Variants in SMARCA2 observed in about 807,000 individuals in gnomAD.
SMARCA2 encodes SWI/SNF-related matrix-associated actin-dependent regulator of chromatin subfamily A member 2.
A neutral mutation model predicts 199.8 loss-of-function variants in SMARCA2; 61 were observed. The ratio of observed to expected loss-of-function variants is 0.31; its 90% CI spans 0.25 to 0.38. The LOEUF is 0.38. Among genes scored for constraint, SMARCA2 ranks in the 10% least tolerant of loss-of-function variants. The pLI is 1.00. For missense variants in SMARCA2, 1,344 were observed against 2,012.2 expected (o/e 0.67, Z 6.35); for synonymous variants, 935 against 732.0 (o/e 1.28, Z -4.48).
chr9:2,175,039 G>A (rs1042769281), intron 29 of SMARCA2, among the ~76,000 whole-genome samples: 11 of 151,488 alleles, frequency 7.3e-5, no homozygotes, highest in East Asian at 1.9e-4. Context: ...AGACAGGGAC[G>A]CTTTGAGTCA....
At chr9:2,178,986 A>C (rs906408981) in intron 29 of SMARCA2, among the ~76,000 whole-genome samples, 1 of 152,196 alleles carries the variant, frequency 6.6e-6, no homozygotes, top group African/African-American at 2.4e-5. Context: ...GAGGGGACTG[A>C]GAGTAAGTGT....
Position 2,039,406 on chromosome 9 carries a change from A to G in SMARCA2, c.356-60A>G. ...TGGACAATTATTAGAGTATTCAGGG[A>G]TATCTCTCTTTCAGGGTTGTCAGGG... On this transcript the variant is annotated intron_variant, in intron 3 of 33. Coordinates refer to ENST00000349721, the MANE Select transcript of SMARCA2 (RefSeq NM_003070.5). This position sits in a 1 kb window ranked among gnomAD's most constrained non-coding sequence, Gnocchi z 4.8. The G allele has an allele frequency of 2.6e-6, 4 of 1,516,734 alleles. No individual in the cohort carries two copies. The highest frequency in any genetic ancestry group is 1.9e-5 in the Admixed American group (1 of 52,876). 94.0% of individuals were successfully genotyped at this position (1,516,734 alleles called of 1,614,324 possible).
intron 9 of SMARCA2, among the ~76,000 whole-genome samples, chr9:2,061,523 ATG>A (rs1325470492): frequency 6.6e-6 from 1 of 152,198 alleles, no homozygotes; most frequent in Non-Finnish European, 1.5e-5. Flanking sequence ...AAAGAGTCCT[ATG>A]TGAAATATCT....
chr9:2,103,492 T>G (rs2130553441), intron 22 of SMARCA2, among the ~76,000 whole-genome samples: 1 of 152,336 alleles, frequency 6.6e-6, no homozygotes, highest in East Asian at 1.9e-4. Flanking sequence ...TTTTGCTTAT[T>G]ATTATATACA....
intron 5 of SMARCA2, among the ~76,000 whole-genome samples, chr9:2,050,948 C>T (rs992584440): frequency 2.6e-5 from 4 of 152,326 alleles, no homozygotes; most frequent in African/African-American, 9.6e-5. Context: ...CCTAATTCTG[C>T]ATCAATTTTC....
rs915345525 is a variant in SMARCA2 at position 2,104,242 on chromosome 9, T to C, written c.3292+73T>C. The C allele has an allele frequency of 7.0e-5, 95 of 1,352,544 alleles. No individual in the cohort carries two copies. Among genetic ancestry groups the C allele is most frequent in the Admixed American group, 1.1e-4 (5 of 45,950 alleles). 83.8% of individuals were successfully genotyped at this position (1,352,544 alleles called of 1,614,324 possible). ...AGGGATAATGGGCACTTAGGTCCAA[T>C]CTCAGCCAAAAAGAAGGGGTAAAAT... On this transcript the variant is annotated intron_variant, in intron 23 of 33. Coordinates refer to ENST00000349721, the MANE Select transcript of SMARCA2 (RefSeq NM_003070.5). This position sits in a 1 kb window ranked among gnomAD's most constrained non-coding sequence, Gnocchi z 4.0.
intron 4 of SMARCA2, chr9:2,045,924 T>A (rs1327839811): frequency 1.3e-5 from 2 of 152,074 alleles, no homozygotes; most frequent in Non-Finnish European, 2.9e-5. Flanking sequence ...CATCCCCCTG[T>A]CAAAATGTTT....
chr9:2,143,875 T>C (rs1824585032), intron 27 of SMARCA2, among the ~76,000 whole-genome samples: 1 of 152,208 alleles, frequency 6.6e-6, no homozygotes, highest in South Asian at 2.1e-4. Context: ...ATTGAGGTTG[T>C]AGGGGCCAAG....
intron 27 of SMARCA2, among the ~76,000 whole-genome samples, chr9:2,149,530 C>A (rs1033403172): frequency 6.6e-6 from 1 of 151,246 alleles, no homozygotes; most frequent in Non-Finnish European, 1.5e-5. Flanking sequence ...AAAACAACAA[C>A]GAAAAAGGAA....
At chr9:2,027,897 G>C (rs1188399381) in intron 1 of SMARCA2, 1 of 152,242 alleles carries the variant, frequency 6.6e-6, no homozygotes, top group Non-Finnish European at 1.5e-5. Context: ...ACTGTTGCTA[G>C]TGGAATTCAG....
intron 29 of SMARCA2, among the ~76,000 whole-genome samples, chr9:2,171,239 C>G (rs1351438036): frequency 6.6e-6 from 1 of 152,030 alleles, no homozygotes; most frequent in Non-Finnish European, 1.5e-5. Flanking sequence ...TTCGGTCAAC[C>G]TGTACTTAAA....
rs12686641 is a variant in SMARCA2, at chr9:2,133,031, C to G, written c.3981+9094C>G. On this transcript the variant is annotated intron_variant, in intron 27 of 33. Coordinates refer to ENST00000349721, the MANE Select transcript of SMARCA2 (RefSeq NM_003070.5). Reference sequence around the variant, plus strand: ...GAGGGAATTGTTTTGATTTTTAAAACTTTGATGCTTGGAATTTCTGGTCTT... The same window carrying G: ...GAGGGAATTGTTTTGATTTTTAAAAGTTTGATGCTTGGAATTTCTGGTCTT... 1.7e-3 allele frequency among the ~76,000 whole-genome samples: 263 copies of G among 152,140 alleles called. 9 individuals are homozygous for G. In the East Asian group the frequency reaches 0.047, roughly 27 times the overall value.
At chr9:2,114,894 A>T (rs561465074) in intron 24 of SMARCA2, among the ~76,000 whole-genome samples, 1 of 152,302 alleles carries the variant, frequency 6.6e-6, no homozygotes, top group East Asian at 1.9e-4. Context: ...TTGCACATGT[A>T]AGATCAGAAT....
At chr9:2,183,623 CAGTCATCAAACAAAGGAATAG>C (rs1041398016) in intron 31 of SMARCA2, among the ~76,000 whole-genome samples, 2 of 152,186 alleles carry the variant, frequency 1.3e-5, no homozygotes, top group African/African-American at 4.8e-5. Context: ...ACATCAATTT[CAGTCATCAAACAAAGGAATAG>C]AGAAATCTTC....
At chr9:2,173,750 C>G (rs760926835) in intron 29 of SMARCA2, among the ~76,000 whole-genome samples, 7 of 152,144 alleles carry the variant, frequency 4.6e-5, no homozygotes, top group African/African-American at 9.7e-5. Context: ...GGAAGTCTTG[C>G]TGTAAAGTCA....
chr9:2,104,319 T>G lies in SMARCA2; in HGVS notation c.3292+150T>G. ...GCAGTTTTTCTAGATAGCAATTTTT[T>G]GCATCCTTAAGCTTTAAATAAGCTG... On this transcript the variant is annotated intron_variant, in intron 23 of 33. Coordinates refer to ENST00000349721, the MANE Select transcript of SMARCA2 (RefSeq NM_003070.5). This position sits in a 1 kb window ranked among gnomAD's most constrained non-coding sequence, Gnocchi z 4.0. 3.0e-6 allele frequency: 2 copies of G among 675,748 alleles called. No homozygotes were observed. Among genetic ancestry groups the G allele is most frequent in the Non-Finnish European group, 4.9e-6 (2 of 410,804 alleles). 41.9% of individuals were successfully genotyped at this position (675,748 alleles called of 1,614,324 possible).
At position 2,176,182 on chromosome 9, in the gene SMARCA2, G is replaced by GTTTTTTTTTTTTT. The variant is rs56186732; in HGVS notation, c.4254-5380_4254-5368dup. ...AGGCATGAGCCACCGCGCCCGGCCT[G>GTTTTTTTTTTTTT]TTTTTTTTTTTTTTTTTTTTTATAA... is the stretch of plus-strand genomic sequence containing the variant. On this transcript the variant is annotated intron_variant, in intron 29 of 33. Transcript: ENST00000349721. 1.7e-3 allele frequency among the ~76,000 whole-genome samples: 176 copies of GTTTTTTTTTTTTT among 104,064 alleles called. 4 individuals carry two copies. Among genetic ancestry groups the GTTTTTTTTTTTTT allele is most frequent in the African/African-American group, 3.8e-3 (101 of 26,832 alleles). The allele number at this position is 104,064 out of a possible 152,430, so 68.3% of individuals were successfully genotyped here.
chr9:2,020,077 A>C (rs1818534183), intron 1 of SMARCA2, among the ~76,000 whole-genome samples: 1 of 152,212 alleles, frequency 6.6e-6, no homozygotes, highest in African/African-American at 2.4e-5. Flanking sequence ...AGATGATTTA[A>C]GGGACGATAG....
At chr9:2,080,443 A>T (rs1163966423) in intron 14 of SMARCA2, among the ~76,000 whole-genome samples, 1 of 152,188 alleles carries the variant, frequency 6.6e-6, no homozygotes, top group African/African-American at 2.4e-5. Context: ...ATTTTCTCTA[A>T]AAAAAGCAGA....
Sources: allele counts gnomAD v4.1 joint callset (sites outside exome capture counted in the v4.1 genomes callset), GRCh38; gene constraint gnomAD v4.1.1; non-coding constraint Gnocchi (gnomAD v3.1); transcripts MANE v1.5; gene names NCBI Gene and HGNC (gene_info 2026-07-23, HGNC 2026-07-21).